The following ADGRB3 variants were observed in gnomAD, a reference collection of about 807,000 sequenced individuals.
The protein encoded by ADGRB3 is brain-specific angiogenesis inhibitor 3.
Under a neutral mutation model 193.4 loss-of-function variants are expected in ADGRB3, and 37 were observed. That is an observed-to-expected ratio of 0.19 (90% CI 0.15 to 0.25). ADGRB3 has a LOEUF of 0.25. Ranked by LOEUF, ADGRB3 falls within the 10% of genes least tolerant of loss-of-function variation. The probability of loss-of-function intolerance (pLI) is 1.00; values close to 1 mark genes in which losing one functional copy is unlikely to be tolerated. For missense variants in ADGRB3, 1,637 were observed against 1,852.9 expected, an observed-to-expected ratio of 0.88 and a Z score of 2.14; for synonymous variants, 690 against 644.2, an observed-to-expected ratio of 1.07 and a Z score of -1.08.
intron 8 of ADGRB3, among the ~76,000 whole-genome samples, chr6:68,967,011 T>G (rs1391345925): frequency 6.6e-6 from 1 of 152,188 alleles, no homozygotes; most frequent in African/African-American, 2.4e-5. Context: ...GAATGCCAAG[T>G]CACCTTTGAT....
intron 3 of ADGRB3, among the ~76,000 whole-genome samples, chr6:68,645,926 G>C (rs1475185358): frequency 6.6e-6 from 1 of 151,670 alleles, no homozygotes; most frequent in African/African-American, 2.4e-5. Context: ...CACCTGCCTC[G>C]GCCTCCCAAG....
intron 17 of ADGRB3, among the ~76,000 whole-genome samples, chr6:69,199,527 A>G (rs1765375058): frequency 6.6e-6 from 1 of 152,154 alleles, no homozygotes; most frequent in Non-Finnish European, 1.5e-5. Flanking sequence ...GAAAAAATGT[A>G]ATTTTCTTGG....
At chr6:68,657,545 C>A (rs1768519945) in intron 3 of ADGRB3, among the ~76,000 whole-genome samples, 1 of 151,314 alleles carries the variant, frequency 6.6e-6, no homozygotes. Context: ...ATAGGTGGGA[C>A]TATTTCAGAG....
At chr6:69,337,807 C>T (rs1052849654) in intron 24 of ADGRB3, among the ~76,000 whole-genome samples, 1 of 152,058 alleles carries the variant, frequency 6.6e-6, no homozygotes, top group African/African-American at 2.4e-5. Context: ...TAAAATAAAC[C>T]AGAGTTCTAA....
chr6:69,128,309 T>C (rs1171117182), intron 17 of ADGRB3, among the ~76,000 whole-genome samples: 2 of 152,100 alleles, frequency 1.3e-5, no homozygotes, highest in Non-Finnish European at 2.9e-5. Context: ...AAGACTTAAT[T>C]CCCCAAAGCC....
intron 3 of ADGRB3, among the ~76,000 whole-genome samples, chr6:68,700,162 G>A (rs1034847589): frequency 3.3e-5 from 5 of 152,160 alleles, no homozygotes; most frequent in Middle Eastern, 3.2e-3. Flanking sequence ...ACATTCAGGT[G>A]CCTAGGTGGA....
intron 3 of ADGRB3, among the ~76,000 whole-genome samples, chr6:68,901,342 T>C (rs56373244): frequency 0.47 from 70,929 of 151,996 alleles, 16,875 homozygotes; most frequent in African/African-American, 0.54. Flanking sequence ...CCTCAGAACA[T>C]GATAGCTGGC....
At chr6:69,069,507 A>G (rs2150310379) in intron 16 of ADGRB3, among the ~76,000 whole-genome samples, 1 of 140,426 alleles carries the variant, frequency 7.1e-6, no homozygotes, top group South Asian at 2.5e-4. Flanking sequence ...CAGGAGTTCA[A>G]GACCAGCCTG....
chr6:68,644,012 A>G (rs1004037495), intron 3 of ADGRB3, among the ~76,000 whole-genome samples: 1 of 151,446 alleles, frequency 6.6e-6, no homozygotes, highest in African/African-American at 2.4e-5. Context: ...ACAAACAAAC[A>G]ACAAACAAAA....
At chr6:69,146,822 T>A (rs934917018) in intron 17 of ADGRB3, among the ~76,000 whole-genome samples, 3 of 16,092 alleles carry the variant, frequency 1.9e-4, no homozygotes, top group Non-Finnish European at 2.5e-4. Flanking sequence ...TCATTACTTC[T>A]TTTTTTTTTT....
intron 6 of ADGRB3, among the ~76,000 whole-genome samples, chr6:68,944,389 A>G (rs565653024): frequency 6.6e-6 from 1 of 152,092 alleles, no homozygotes; most frequent in Non-Finnish European, 1.5e-5. Context: ...TCTTACACTT[A>G]TTCAATTAGG....
chr6:68,906,843 C>T (rs1288273635), intron 3 of ADGRB3, among the ~76,000 whole-genome samples: 3 of 151,878 alleles, frequency 2.0e-5, no homozygotes, highest in African/African-American at 7.2e-5. Flanking sequence ...CATAATGTTT[C>T]TGATGAGCAA....
intron 15 of ADGRB3, among the ~76,000 whole-genome samples, chr6:69,055,365 T>A (rs1026273172): frequency 3.3e-5 from 5 of 152,228 alleles, no homozygotes; most frequent in Admixed American, 1.3e-4. Context: ...AAATACCTCA[T>A]GTAAGTGGAA....
At chr6:69,051,425 A>C (rs1438805605) in intron 15 of ADGRB3, among the ~76,000 whole-genome samples, 3 of 152,222 alleles carry the variant, frequency 2.0e-5, no homozygotes, top group African/African-American at 7.2e-5. Flanking sequence ...TAAGAATTAC[A>C]AATTTGTTTA....
chr6:68,811,075 G>GATAT (rs140401590), intron 3 of ADGRB3, among the ~76,000 whole-genome samples: 24 of 150,014 alleles, frequency 1.6e-4, no homozygotes, highest in African/African-American at 5.9e-4. Context: ...TTTATGAGGA[G>GATAT]ATATATATAT....
chr6:68,693,763 G>T (rs572017094), intron 3 of ADGRB3, among the ~76,000 whole-genome samples: 27 of 151,996 alleles, frequency 1.8e-4, no homozygotes, highest in African/African-American at 6.0e-4. Flanking sequence ...GACGCATACC[G>T]CAGTGTATCA....
chr6:68,944,048 C>A, intron 6 of ADGRB3, 54 bp downstream of exon 6: 1 of 1,515,476 alleles, frequency 6.6e-7, no homozygotes, highest in Non-Finnish European at 9.0e-7. Context: ...TTATATGATT[C>A]CTAGTGTACA....
At chr6:69,133,019 G>A (rs1774053440) in intron 17 of ADGRB3, among the ~76,000 whole-genome samples, 1 of 152,132 alleles carries the variant, frequency 6.6e-6, no homozygotes, top group Admixed American at 6.5e-5. Flanking sequence ...TGCTGTTTTG[G>A]TTACTGTTGC....
At chr6:68,778,092 A>G (rs951967405) in intron 3 of ADGRB3, among the ~76,000 whole-genome samples, 1 of 152,086 alleles carries the variant, frequency 6.6e-6, no homozygotes, top group African/African-American at 2.4e-5. Context: ...CAGACATCAC[A>G]TCAGGCATCC....
Sources: allele counts gnomAD v4.1 joint callset (sites outside exome capture counted in the v4.1 genomes callset), GRCh38; gene constraint gnomAD v4.1.1; transcripts MANE v1.5; gene names NCBI Gene and HGNC (gene_info 2026-07-23, HGNC 2026-07-21).